SELENOO: variants seen among roughly 807,000 people sequenced by gnomAD.
SELENOO encodes the protein selenoprotein O.
SELENOO carries 74 observed loss-of-function variants against 58.7 expected under a neutral mutation model. The observed-to-expected ratio is 1.26, with a 90% CI of 1.04 to 1.53. The LOEUF (loss-of-function observed/expected upper bound fraction) is 1.53. Among genes scored for constraint, SELENOO ranks in the 40% most tolerant of loss-of-function variants. The pLI is 0.00. For synonymous variants in SELENOO, 543 were observed against 453.2 expected (o/e 1.20, Z -2.52); for missense variants, 1,149 against 970.0 (o/e 1.18, Z -2.45).
In SELENOO at chr22:50,215,848, C is replaced by A. The variant is rs752166060; in HGVS notation, c.1483C>A (p.Arg495=). The change falls in exon 6 of 9, where the codon CGG becomes AGG. Residue 495 remains arginine, a synonymous_variant. Transcript: ENST00000380903. ...CCTGGAGGAGCTGAGGCTGGCCTTC[C>A]GGCCCCAGATGGATCCCCGGTGGGT... The part of the protein sequence containing the change: ...ASLEELRLAF[R]PQMDPRQLSM... The A allele has an allele frequency of 1.2e-6, 2 of 1,610,302 alleles. No individual in the cohort carries two copies. The highest frequency in any genetic ancestry group is 3.3e-5 in the Admixed American group (2 of 59,872).
chr22:50,202,490 G>A (rs943558059), intron 1 of SELENOO, among the ~76,000 whole-genome samples: 1 of 151,900 alleles, frequency 6.6e-6, no homozygotes, highest in Non-Finnish European at 1.5e-5. Context: ...AGCACCGGCC[G>A]CCCACTGGAG....
Position 50,217,293 on chromosome 22 carries a change from C to G in SELENOO, c.1934C>G (p.Ala645Gly), listed in dbSNP as rs144505070. Residue 645 changes from alanine to glycine, a missense_variant, in exon 9 of 9, where the codon GCG becomes GGG. By Grantham distance (60) the Ala-to-Gly change is moderately conservative. Transcript: ENST00000380903. ...GCCGAGGCCACGGAAGCCGACGGGG[C>G]GGACGGCAGGCAGCGCTCCTACAGC... ...TDAEATEADG[A>G]DGRQRSYSSK... The G allele has an allele frequency of 1.2e-6, 2 of 1,612,656 alleles. No individual in the cohort carries two copies. The highest frequency in any genetic ancestry group is 1.7e-6 in the Non-Finnish European group (2 of 1,179,848).
At chr22:50,204,025 T>C (rs2064317494) in intron 1 of SELENOO, among the ~76,000 whole-genome samples, 1 of 152,192 alleles carries the variant, frequency 6.6e-6, no homozygotes, top group South Asian at 2.1e-4. Flanking sequence ...TGGACAAGTA[T>C]TTGAATAGAC....
intron 3 of SELENOO, among the ~76,000 whole-genome samples, chr22:50,209,798 G>T (rs970008145): frequency 6.6e-6 from 1 of 152,192 alleles, no homozygotes; most frequent in Non-Finnish European, 1.5e-5. Flanking sequence ...TGGTTGGGGG[G>T]GGCCAGGCCA....
rs954728896 is a variant in SELENOO, at chr22:50,204,593, C to T, written c.555-1724C>T. The stretch of plus-strand genomic sequence containing the variant: ...AGTGAGCCGAGATCACGCCACTGTC[C>T]CTGGGTGACAGAGTGAGACCCTGTC... On this transcript the variant is annotated intron_variant, in intron 1 of 8. Coordinates refer to ENST00000380903, the MANE Select transcript of SELENOO (RefSeq NM_031454.2). Among the ~76,000 whole-genome samples, 8 of 151,254 alleles carry T rather than the reference C, an allele frequency of 5.3e-5. 1 individual carries two copies. The highest frequency in any genetic ancestry group is 2.0e-4 in the African/African-American group (8 of 40,986).
chr22:50,210,184 A>G lies in SELENOO; in HGVS notation c.943A>G (p.Thr315Ala). 1 of 1,612,902 alleles carries G rather than the reference A, an allele frequency of 6.2e-7. No homozygotes were observed. The highest frequency in any genetic ancestry group is 8.5e-7 in the Non-Finnish European group (1 of 1,179,720). The change falls in exon 4 of 9, where the codon ACG (threonine) becomes GCG (alanine). Residue 315 changes from threonine to alanine, a missense_variant. Thr to Ala is a moderately conservative substitution (Grantham distance 58). Transcript: ENST00000380903. Reference protein sequence around the residue: ...QRNAAFFREVTRRTARMVAEW... With the variant: ...QRNAAFFREVARRTARMVAEW... ...CAAGCACACTGTCCCACCCCAGGTGACGCGGCGCACGGCGCGGATGGTGGC... is the reference window on the plus strand; with the variant it reads ...CAAGCACACTGTCCCACCCCAGGTGGCGCGGCGCACGGCGCGGATGGTGGC...
chr22:50,215,180 T>C (rs1044571937), intron 5 of SELENOO, among the ~76,000 whole-genome samples: 16 of 152,214 alleles, frequency 1.1e-4, no homozygotes, highest in Admixed American at 4.6e-4. Flanking sequence ...AGTTGGGCCT[T>C]TTGCAGGCGG....
chr22:50,216,659 G>T, intron 6 of SELENOO, 32 bp from the exon 7 acceptor site: 1 of 1,545,326 alleles, frequency 6.5e-7, no homozygotes, highest in Non-Finnish European at 8.7e-7. Context: ...ACGGTCAGGG[G>T]CTACCTCCCA....
chr22:50,216,811 G>A lies in SELENOO; in HGVS notation c.1623G>A (p.Gln541=). 2.5e-6 allele frequency: 4 copies of A among 1,608,560 alleles called. No homozygotes were observed. The highest frequency in any genetic ancestry group is 1.1e-5 in the South Asian group (1 of 91,006). The change falls in exon 7 of 9, where the codon CAG becomes CAA. Residue 541 remains glutamine, a synonymous_variant. Transcript: ENST00000380903. ...ERVEQQSRLE[Q]LSAAELQSRN... is the part of the protein sequence containing the mutation. ...TGGAGCAGCAGTCTCGGCTGGAGCA[G>A]CTGAGTGCGGCAGAGCTGCAGAGCA...
intron 5 of SELENOO, among the ~76,000 whole-genome samples, chr22:50,212,085 C>G (rs1427924027): frequency 1.3e-5 from 2 of 152,144 alleles, no homozygotes; most frequent in Admixed American, 1.3e-4. Context: ...GGGATACTAG[C>G]TTAGAGTTCT....
rs559289923 is a variant in SELENOO at position 50,204,585 on chromosome 22, C to G, written c.555-1732C>G. On this transcript the variant is annotated intron_variant, in intron 1 of 8. Transcript: ENST00000380903. ...GAGGTTGCAGTGAGCCGAGATCACG[C>G]CACTGTCCCTGGGTGACAGAGTGAG... is the stretch of plus-strand genomic sequence containing the variant. Among the ~76,000 whole-genome samples the G allele has an allele frequency of 2.0e-5, 3 of 151,856 alleles. No homozygotes were observed. In the East Asian group the frequency reaches 5.8e-4, roughly 29 times the overall value.
At chr22:50,214,140 G>A (rs576720210) in intron 5 of SELENOO, among the ~76,000 whole-genome samples, 37 of 152,130 alleles carry the variant, frequency 2.4e-4, no homozygotes, top group Middle Eastern at 3.4e-3. Flanking sequence ...GCTGTCTCTT[G>A]TAACGACTTT....
Position 50,216,783 on chromosome 22 carries a change from G to C in SELENOO, c.1595G>C (p.Arg532Pro), listed in dbSNP as rs554842345. ...TRAGIARELERVEQQSRLEQL... is the reference protein window; with the variant it reads ...TRAGIARELEPVEQQSRLEQL... ...GCAGGCATCGCCAGGGAGCTGGAGC[G>C]TGTGGAGCAGCAGTCTCGGCTGGAG... Residue 532 changes from arginine to proline, a missense_variant, in exon 7 of 9, where the codon CGT (arginine) becomes CCT (proline). Transcript: ENST00000380903. The C allele has an allele frequency of 1.9e-6, 3 of 1,609,128 alleles. No individual in the cohort carries two copies. Among genetic ancestry groups the C allele is most frequent in the Non-Finnish European group, 2.5e-6 (3 of 1,179,834 alleles).
chr22:50,217,191 T>C lies in SELENOO; in HGVS notation c.1846-14T>C. On this transcript the variant is annotated splice_polypyrimidine_tract_variant and intron_variant, in intron 8 of 8. Coordinates refer to ENST00000380903, the MANE Select transcript of SELENOO (RefSeq NM_031454.2). ...GGTCGGCCCCAGACCCCTCTCACCC[T>C]CCTGATCCTCCAGGTGCGGCGGGTG... 2.5e-6 allele frequency: 4 copies of C among 1,611,934 alleles called. No homozygotes were observed. The highest frequency in any genetic ancestry group is 3.4e-6 in the Non-Finnish European group (4 of 1,179,152).
intron 5 of SELENOO, among the ~76,000 whole-genome samples, chr22:50,214,658 G>A (rs575247341): frequency 3.3e-5 from 5 of 152,230 alleles, no homozygotes; most frequent in East Asian, 1.9e-4. Context: ...CCAGCTACTC[G>A]GGAGGCTGAG....
Position 50,210,920 on chromosome 22 carries a change from C to T in SELENOO, c.1351+9C>T. On this transcript the variant is annotated intron_variant, in intron 5 of 8. Transcript: ENST00000380903. ...GACCATGCATCTGACCGGTGAGTGACCCAGCCGTGCCCACAGCAAGGCGCC... is the reference window on the plus strand; with the variant it reads ...GACCATGCATCTGACCGGTGAGTGATCCAGCCGTGCCCACAGCAAGGCGCC... The T allele has an allele frequency of 1.2e-6, 2 of 1,613,800 alleles. No individual in the cohort carries two copies. The highest frequency in any genetic ancestry group is 1.7e-6 in the Non-Finnish European group (2 of 1,179,930).
At position 50,217,311 on chromosome 22, in the gene SELENOO, C is replaced by T. The variant is rs774324524; in HGVS notation, c.1952C>T (p.Ser651Phe). 5.6e-6 allele frequency: 9 copies of T among 1,612,838 alleles called. No homozygotes were observed. The East Asian group carries it at 2.0e-4, about 36-fold the overall frequency. The change falls in exon 9 of 9, where the codon TCC becomes TTC. Residue 651 changes from serine to phenylalanine, a missense_variant. Physicochemically the swap from Ser to Phe is radical, Grantham distance 155 (BLOSUM62 -2). Coordinates refer to ENST00000380903, the MANE Select transcript of SELENOO (RefSeq NM_031454.2). ...GACGGGGCGGACGGCAGGCAGCGCT[C>T]CTACAGCAGTAAGCCCCCGCTCTGG... ...EADGADGRQR[S>F]YSSKPPLWAA...
At chr22:50,214,122 T>C (rs2064390127) in intron 5 of SELENOO, among the ~76,000 whole-genome samples, 1 of 152,044 alleles carries the variant, frequency 6.6e-6, no homozygotes. Flanking sequence ...CTTTTATCCA[T>C]ATATAATGCT....
intron 5 of SELENOO, among the ~76,000 whole-genome samples, chr22:50,211,449 A>G (rs1267169167): frequency 6.6e-6 from 1 of 152,156 alleles, no homozygotes; most frequent in Non-Finnish European, 1.5e-5. Flanking sequence ...AGGAGCTGAG[A>G]TGGGCATTCT....
Sources: gnomAD v4.1 joint callset for allele counts (sites outside exome capture counted in the v4.1 genomes callset) on GRCh38, gnomAD v4.1.1 for gene constraint, MANE v1.5 for transcripts, NCBI Gene and HGNC (gene_info 2026-07-23, HGNC 2026-07-21) for gene names.